CCDC106: variants seen among roughly 807,000 people sequenced by gnomAD.
The protein encoded by CCDC106 is coiled-coil domain-containing protein 106.
A neutral mutation model predicts 24.7 loss-of-function variants in CCDC106; 17 were observed. The ratio of observed to expected loss-of-function variants is 0.69; its 90% CI spans 0.47 to 1.03. The LOEUF is 1.03. Among genes scored for constraint, CCDC106 ranks in the 50% least tolerant of loss-of-function variants. CCDC106 has a pLI of 0.00. For synonymous variants in CCDC106, 211 were observed against 161.3 expected (o/e 1.31, Z -2.34); for missense variants, 337 against 388.9 (o/e 0.87, Z 1.12).
intron 3 of CCDC106, among the ~76,000 whole-genome samples, chr19:55,650,262 G>A (rs1359176951): frequency 6.6e-6 from 1 of 152,132 alleles, no homozygotes; most frequent in Non-Finnish European, 1.5e-5. Flanking sequence ...ATAATTCATG[G>A]CCAGAAGCAG....
At position 55,649,019 on chromosome 19, in the gene CCDC106, G is replaced by C; in HGVS notation, c.-28G>C. The C allele has an allele frequency of 1.2e-6, 2 of 1,612,150 alleles. No individual in the cohort carries two copies. Among genetic ancestry groups the C allele is most frequent in the South Asian group, 2.2e-5 (2 of 91,016 alleles). The stretch of plus-strand genomic sequence containing the variant: ...CTGTCCAGTGCCCCTGAGGCCCTCG[G>C]CTGCTGGGGTCCGTAGGAAGCCGCG... On this transcript the variant is annotated 5_prime_UTR_variant, in exon 1 of 5. Transcript: ENST00000586790.
In CCDC106 at chr19:55,649,009, G is replaced by A; in HGVS notation, c.-38G>A. The A allele has an allele frequency of 1.2e-6, 2 of 1,610,432 alleles. No individual in the cohort carries two copies. The highest frequency in any genetic ancestry group is 8.5e-7 in the Non-Finnish European group (1 of 1,178,298). On this transcript the variant is annotated 5_prime_UTR_variant, in exon 1 of 5. Coordinates refer to ENST00000586790, the MANE Select transcript of CCDC106 (RefSeq NM_001370470.1). ...GCTGCCGTTTCTGTCCAGTGCCCCT[G>A]AGGCCCTCGGCTGCTGGGGTCCGTA...
At position 55,652,406 on chromosome 19, in the gene CCDC106, C is replaced by T. The variant is rs924211565; in HGVS notation, c.527-24C>T. 2 of 1,568,604 alleles carry T rather than the reference C, an allele frequency of 1.3e-6. No individual in the cohort carries two copies. The highest frequency in any genetic ancestry group is 8.7e-7 in the Non-Finnish European group (1 of 1,152,832). On this transcript the variant is annotated intron_variant, in intron 4 of 4. Transcript: ENST00000586790. The surrounding 1 kb of genome is among the most constrained non-coding windows in gnomAD (Gnocchi z 5.9). The stretch of plus-strand genomic sequence containing the variant: ...AGTCTTGTGCCCTGCCCCTCACTTT[C>T]GTGTCCCCGCCTCCACCCCTCAGTG...
chr19:55,649,634 T>TCAAGGCTC lies in CCDC106; in HGVS notation c.313+50_313+51insCAAGGCTC, dbSNP rs763506686. On this transcript the variant is annotated intron_variant, in intron 3 of 4. Transcript: ENST00000586790. ...CATGCCTCCCTGTCCCGCTACTGGG[T>TCAAGGCTC]ACCCGCTCACCCAGACTCAAGGCTC... 1.8e-5 allele frequency: 28 copies of TCAAGGCTC among 1,543,584 alleles called. 1 individual carries two copies. In the South Asian group the frequency reaches 3.3e-4, roughly 18 times the overall value.
intron 1 of CCDC106, 53 bp from the exon 2 acceptor site, chr19:55,649,152 G>T (rs1600055753): frequency 6.2e-7 from 1 of 1,609,466 alleles, no homozygotes; most frequent in East Asian, 2.2e-5. Flanking sequence ...TTGGGGGGTG[G>T]CCTGAGAGGC....
chr19:55,648,904 C>T lies in CCDC106; in HGVS notation c.-143C>T, dbSNP rs1270472372. The T allele has an allele frequency of 2.1e-5, 17 of 828,802 alleles. No homozygotes were observed. The highest frequency in any genetic ancestry group is 3.4e-5 in the Non-Finnish European group (17 of 493,622). The allele number at this position is 828,802 out of a possible 1,614,324, so 51.3% of individuals were successfully genotyped here. ...CTCCCTCCTCCCTCAGACCAGGGGT[C>T]CAGGCCAGAAGGTCCCTCCTGTCTC... On this transcript the variant is annotated 5_prime_UTR_variant, in exon 1 of 5. Transcript: ENST00000586790.
At position 55,652,737 on chromosome 19, in the gene CCDC106, C is replaced by T. The variant is rs1035769568; in HGVS notation, c.834C>T (p.Phe278=). Residue 278 remains phenylalanine, a synonymous_variant, in exon 5 of 5, where the codon TTC becomes TTT. Coordinates refer to ENST00000586790, the MANE Select transcript of CCDC106 (RefSeq NM_001370470.1). The surrounding 1 kb of genome is among the most constrained non-coding windows in gnomAD (Gnocchi z 5.9). ...TGCTGCTGCCCATCACCTACCGCTTCAAGCGGTGATCGCACCACGCCTCCG... is the reference window on the plus strand; with the variant it reads ...TGCTGCTGCCCATCACCTACCGCTTTAAGCGGTGATCGCACCACGCCTCCG... ...SKLLLPITYR[F]KR 2 of 1,610,206 alleles carry T rather than the reference C, an allele frequency of 1.2e-6. No individual in the cohort carries two copies. Among genetic ancestry groups the T allele is most frequent in the Admixed American group, 1.7e-5 (1 of 59,916 alleles).
chr19:55,650,136 C>A (rs1183771714), intron 3 of CCDC106, among the ~76,000 whole-genome samples: 1 of 148,384 alleles, frequency 6.7e-6, no homozygotes, highest in Non-Finnish European at 1.5e-5. Context: ...CCTTCCCCAT[C>A]AAAGACATTA....
rs898876564 is a variant in CCDC106 at position 55,648,249 on chromosome 19, T to C, written c.-798T>C. 6 of 151,932 alleles carry C rather than the reference T, an allele frequency of 3.9e-5. No individual in the cohort carries two copies. The highest frequency in any genetic ancestry group is 8.8e-5 in the Non-Finnish European group (6 of 67,958). The allele number at this position is 151,932 out of a possible 1,614,324, so 9.4% of individuals were successfully genotyped here. ...GCGCCGGGCATGGGCGCCGCCGCCG[T>C]CGGTCCCCGAGCCGGATTCCGCGAG... On this transcript the variant is annotated 5_prime_UTR_variant, in exon 1 of 5. Transcript: ENST00000586790.
rs1983447629 is a variant in CCDC106, at chr19:55,653,025, G to A, written c.*279G>A. Reference sequence around the variant, plus strand: ...GTGCCCCCCCCTCGAGTGGGGGACTGTACAGACCCCGTCTCCGCCCTGGCC... The same window carrying A: ...GTGCCCCCCCCTCGAGTGGGGGACTATACAGACCCCGTCTCCGCCCTGGCC... On this transcript the variant is annotated 3_prime_UTR_variant, in exon 5 of 5. Transcript: ENST00000586790. 2.4e-6 allele frequency: 1 copy of A among 411,340 alleles called. No homozygotes were observed. Among genetic ancestry groups the A allele is most frequent in the Non-Finnish European group, 4.4e-6 (1 of 229,280 alleles). The allele number at this position is 411,340 out of a possible 1,614,324, so 25.5% of individuals were successfully genotyped here.
In CCDC106 at chr19:55,652,773, CG is replaced by C; in HGVS notation, c.*30del. 6.3e-7 allele frequency: 1 copy of C among 1,576,644 alleles called. No homozygotes were observed. The highest frequency in any genetic ancestry group is 8.6e-7 in the Non-Finnish European group (1 of 1,158,468). ...CGCACCACGCCTCCGCGCCTCCACC[CG>C]GGCCTTCCTCCCCCGTGGACCCCGG... On this transcript the variant is annotated 3_prime_UTR_variant, in exon 5 of 5. Coordinates refer to ENST00000586790, the MANE Select transcript of CCDC106 (RefSeq NM_001370470.1). The surrounding 1 kb of genome is among the most constrained non-coding windows in gnomAD (Gnocchi z 5.9).
chr19:55,649,328 G>A lies in CCDC106; in HGVS notation c.136+19G>A, dbSNP rs201746252. 9 of 1,612,566 alleles carry A rather than the reference G, an allele frequency of 5.6e-6. No homozygotes were observed. In the East Asian group the frequency reaches 1.8e-4, roughly 32 times the overall value. Reference sequence around the variant, plus strand: ...TTCGAGGGTGAGCTGAGGGGGTGTGGAGGGACTGGAGTCAGCTGGGAAGCC... The same window carrying A: ...TTCGAGGGTGAGCTGAGGGGGTGTGAAGGGACTGGAGTCAGCTGGGAAGCC... On this transcript the variant is annotated intron_variant, in intron 2 of 4. Coordinates refer to ENST00000586790, the MANE Select transcript of CCDC106 (RefSeq NM_001370470.1).
At chr19:55,651,871 C>A (rs1983314928) in intron 4 of CCDC106, among the ~76,000 whole-genome samples, 1 of 152,096 alleles carries the variant, frequency 6.6e-6, no homozygotes, top group South Asian at 2.1e-4. Context: ...ACCGTGTTTG[C>A]CAGGATGGTC....
In CCDC106 at chr19:55,652,701, G is replaced by A. The variant is rs1983405238; in HGVS notation, c.798G>A (p.Lys266=). The A allele has an allele frequency of 1.9e-6, 3 of 1,612,766 alleles. No individual in the cohort carries two copies. Among genetic ancestry groups the A allele is most frequent in the South Asian group, 1.1e-5 (1 of 91,076 alleles). ...CGCTCAAGAAGGTGCAGGCGCTCAA[G>A]AAGAGCAAGCTGCTGCTGCCCATCA... is the stretch of plus-strand genomic sequence containing the variant. ...DETLKKVQAL[K]KSKLLLPITY... is the part of the protein sequence containing the mutation. Residue 266 remains lysine (K), a synonymous_variant, in exon 5 of 5, where the codon AAG becomes AAA. Transcript: ENST00000586790. This position sits in a 1 kb window ranked among gnomAD's most constrained non-coding sequence, Gnocchi z 5.9.
In CCDC106 at chr19:55,648,540, G is replaced by C. The variant is rs1983014205; in HGVS notation, c.-507G>C. On this transcript the variant is annotated 5_prime_UTR_variant, in exon 1 of 5. Transcript: ENST00000586790. ...ACGCGAGTGCGGGGGAGGGGTGTGG[G>C]GGCCCCGAAGGTAGAGGAGGCAGCG... The C allele has an allele frequency of 6.3e-6, 1 of 159,592 alleles. No homozygotes were observed. The highest frequency in any genetic ancestry group is 2.4e-5 in the African/African-American group (1 of 41,540). The allele number at this position is 159,592 out of a possible 1,614,324, so 9.9% of individuals were successfully genotyped here. A position where few individuals can be genotyped will look rare whatever the true frequency, so the allele number is the denominator to read the frequency against.
rs192720479 is a variant in CCDC106 at position 55,651,786 on chromosome 19, C to T, written c.526+291C>T. Among the ~76,000 whole-genome samples, 262 of 152,170 alleles carry T rather than the reference C, an allele frequency of 1.7e-3. 1 individual carries two copies. The highest frequency in any genetic ancestry group is 5.8e-3 in the African/African-American group (239 of 41,512). ...ACGCCATTCTCCTGCCTCAGCCTCC[C>T]GAGTAGCTGGGACTACAGGCACCCG... On this transcript the variant is annotated intron_variant, in intron 4 of 4. Coordinates refer to ENST00000586790, the MANE Select transcript of CCDC106 (RefSeq NM_001370470.1).
chr19:55,650,750 G>A (rs571141401), intron 3 of CCDC106, among the ~76,000 whole-genome samples: 1 of 152,154 alleles, frequency 6.6e-6, no homozygotes, highest in Non-Finnish European at 1.5e-5. Context: ...CACTTTCCCA[G>A]TGGGGACCCT....
At chr19:55,650,298 C>G (rs1983155721) in intron 3 of CCDC106, among the ~76,000 whole-genome samples, 1 of 152,218 alleles carries the variant, frequency 6.6e-6, no homozygotes, top group South Asian at 2.1e-4. Context: ...CAGCAGCACC[C>G]AGCCCCAGCC....
chr19:55,649,101 C>T (rs1302764534), intron 1 of CCDC106, 24 bp downstream of exon 1: 1 of 1,613,936 alleles, frequency 6.2e-7, no homozygotes, highest in South Asian at 1.1e-5. Flanking sequence ...GTCCCCTTCC[C>T]TACCCTGGGT....
Sources: allele counts gnomAD v4.1 joint callset (sites outside exome capture counted in the v4.1 genomes callset), GRCh38; gene constraint gnomAD v4.1.1; non-coding constraint Gnocchi (gnomAD v3.1); transcripts MANE v1.5; gene names NCBI Gene and HGNC (gene_info 2026-07-23, HGNC 2026-07-21).